The following FDFT1 variants were observed in gnomAD, a reference collection of about 807,000 sequenced individuals.
The protein encoded by FDFT1 is farnesyl-diphosphate farnesyltransferase 1.
In FDFT1, 68 loss-of-function variants were observed where a neutral mutation model predicts 46.8. The observed-to-expected ratio is 1.45, with a 90% CI of 1.19 to 1.78. The LOEUF (loss-of-function observed/expected upper bound fraction) is 1.78. Among genes scored for constraint, FDFT1 ranks in the 40% most tolerant of loss-of-function variants. FDFT1 has a pLI of 0.00. For missense variants in FDFT1, 928 were observed against 524.4 expected, an observed-to-expected ratio of 1.77 and a Z score of -7.52; for synonymous variants, 351 against 185.1, an observed-to-expected ratio of 1.90 and a Z score of -7.28.
At position 11,808,823 on chromosome 8, in the gene FDFT1, C is replaced by G. The variant is rs765417792; in HGVS notation, c.129C>G (p.Cys43Trp). ...CGCTCAGCAGCAGCCTGAAAACTTG[C>G]TACAAGTATCTCAATCAGACCAGTC... ...QDSLSSSLKT[C>W]YKYLNQTSRS... The change falls in exon 2 of 8, where the codon TGC becomes TGG. Residue 43 changes from cysteine to tryptophan, a missense_variant. By Grantham distance (215) the Cys-to-Trp change is radical. Coordinates refer to ENST00000220584, the MANE Select transcript of FDFT1 (RefSeq NM_004462.5). 7 of 1,614,006 alleles carry G rather than the reference C, an allele frequency of 4.3e-6. No homozygotes were observed. Among genetic ancestry groups the G allele is most frequent in the South Asian group, 1.1e-5 (1 of 90,986 alleles).
chr8:11,818,140 G>T (rs1005575326), intron 3 of FDFT1, among the ~76,000 whole-genome samples: 2 of 152,194 alleles, frequency 1.3e-5, no homozygotes, highest in Non-Finnish European at 2.9e-5. Flanking sequence ...TTCAGGAGCA[G>T]GTTGTTCAGT....
Position 11,826,190 on chromosome 8 carries a change from G to C in FDFT1, c.677G>C (p.Gly226Ala). 1 of 1,572,830 alleles carries C rather than the reference G, an allele frequency of 6.4e-7. No homozygotes were observed. Residue 226 changes from glycine (G) to alanine (A), a missense_variant, in exon 5 of 8, where the codon GGA (glycine) becomes GCA (alanine). Transcript: ENST00000220584. Reference sequence around the variant, plus strand: ...CGTGACTATCTGGAAGACCAGCAAGGAGGAAGAGAGTTCTGGCCTCAAGAG... The same window carrying C: ...CGTGACTATCTGGAAGACCAGCAAGCAGGAAGAGAGTTCTGGCCTCAAGAG... Reference protein sequence around the residue: ...IIRDYLEDQQGGREFWPQEVW... With the variant: ...IIRDYLEDQQAGREFWPQEVW...
chr8:11,799,431 A>AGT (rs1470148243), upstream of FDFT1, among the ~76,000 whole-genome samples: 1 of 152,238 alleles, frequency 6.6e-6, no homozygotes, highest in East Asian at 1.9e-4. Flanking sequence ...TGATTCTTCA[A>AGT]GTGTAGGGGT....
At chr8:11,796,804 A>C (rs1361872977) in intron 1 of FDFT1, among the ~76,000 whole-genome samples, 1 of 152,178 alleles carries the variant, frequency 6.6e-6, no homozygotes, top group East Asian at 1.9e-4. Flanking sequence ...TTAGCCCATG[A>C]GGGTTCCTGG....
chr8:11,832,690 G>C (rs1476280435), intron 7 of FDFT1, among the ~76,000 whole-genome samples: 1 of 151,932 alleles, frequency 6.6e-6, no homozygotes, highest in Non-Finnish European at 1.5e-5. Flanking sequence ...GACAATGTCT[G>C]GAGACATTTT....
chr8:11,808,819 C>G lies in FDFT1; in HGVS notation c.125C>G (p.Thr42Ser), dbSNP rs759805648. Residue 42 changes from threonine to serine, a missense_variant, in exon 2 of 8, where the codon ACT becomes AGT. By Grantham distance (58) the Thr-to-Ser change is moderately conservative (BLOSUM62 1). Coordinates refer to ENST00000220584, the MANE Select transcript of FDFT1 (RefSeq NM_004462.5). Reference protein sequence around the residue: ...DQDSLSSSLKTCYKYLNQTSR... With the variant: ...DQDSLSSSLKSCYKYLNQTSR... ...GACTCGCTCAGCAGCAGCCTGAAAACTTGCTACAAGTATCTCAATCAGACC... is the reference window on the plus strand; with the variant it reads ...GACTCGCTCAGCAGCAGCCTGAAAAGTTGCTACAAGTATCTCAATCAGACC... 2 of 1,614,052 alleles carry G rather than the reference C, an allele frequency of 1.2e-6. No individual in the cohort carries two copies. Among genetic ancestry groups the G allele is most frequent in the Non-Finnish European group, 1.7e-6 (2 of 1,179,996 alleles).
intron 3 of FDFT1, among the ~76,000 whole-genome samples, chr8:11,817,426 T>C (rs1808614667): frequency 6.6e-6 from 1 of 152,180 alleles, no homozygotes. Flanking sequence ...ATTGGAATAG[T>C]TTCAGAAGGA....
intron 1 of FDFT1, chr8:11,803,292 G>GT (rs1344683365): frequency 7.6e-7 from 1 of 1,316,538 alleles, no homozygotes; most frequent in Non-Finnish European, 9.9e-7. Context: ...GGACGAGTGA[G>GT]TTTTTTGGTA....
chr8:11,834,444 C>T (rs914746484), intron 7 of FDFT1, among the ~76,000 whole-genome samples: 1 of 152,216 alleles, frequency 6.6e-6, no homozygotes, highest in African/African-American at 2.4e-5. Context: ...GTTCGTGTCT[C>T]TGCACACTTC....
In FDFT1 at chr8:11,838,857, G is replaced by GC. The variant is rs1452743453; in HGVS notation, c.*249dup. ...TGTGCTGCTTGTGGCTCATGGCAGA[G>GC]CATTCAGTGCCACGGTTTAGGTGAA... On this transcript the variant is annotated 3_prime_UTR_variant, in exon 8 of 8. Coordinates refer to ENST00000220584, the MANE Select transcript of FDFT1 (RefSeq NM_004462.5). The GC allele has an allele frequency of 2.0e-6, 1 of 506,862 alleles. No homozygotes were observed. Among genetic ancestry groups the GC allele is most frequent in the African/African-American group, 1.9e-5 (1 of 51,618 alleles). The allele number at this position is 506,862 out of a possible 1,614,324, so 31.4% of individuals were successfully genotyped here.
At chr8:11,817,396 G>A (rs1808609180) in intron 3 of FDFT1, among the ~76,000 whole-genome samples, 1 of 152,172 alleles carries the variant, frequency 6.6e-6, no homozygotes, top group African/African-American at 2.4e-5. Flanking sequence ...AATGAGTTAG[G>A]GAGGATTCCC....
chr8:11,826,189 G>T lies in FDFT1; in HGVS notation c.676G>T (p.Gly226Ter), dbSNP rs369627462. The T allele has an allele frequency of 2.5e-6, 4 of 1,572,988 alleles. No homozygotes were observed. The highest frequency in any genetic ancestry group is 3.5e-6 in the Non-Finnish European group (4 of 1,150,058). ...IIRDYLEDQQ[G>*]GREFWPQEVW... ...CCGTGACTATCTGGAAGACCAGCAA[G>T]GAGGAAGAGAGTTCTGGCCTCAAGA... Residue 226 changes from glycine (G) to a stop codon, truncating the protein, a stop_gained, in exon 5 of 8, where the codon GGA becomes TGA. Coordinates refer to ENST00000220584, the MANE Select transcript of FDFT1 (RefSeq NM_004462.5). LOFTEE classifies it high-confidence loss of function.
chr8:11,833,676 A>G (rs1354658043), intron 7 of FDFT1, among the ~76,000 whole-genome samples: 1 of 152,230 alleles, frequency 6.6e-6, no homozygotes. Flanking sequence ...ATCAGAACAC[A>G]GCCACACCCA....
At chr8:11,819,972 T>G (rs189769596) in intron 3 of FDFT1, among the ~76,000 whole-genome samples, 1 of 152,114 alleles carries the variant, frequency 6.6e-6, no homozygotes, top group African/African-American at 2.4e-5. Flanking sequence ...TTTCTCCCCA[T>G]CTTTGTGGTT....
At chr8:11,809,086 G>A (rs1585879786) in intron 2 of FDFT1, 195 bp downstream of exon 2, 9 of 1,268,836 alleles carry the variant, frequency 7.1e-6, no homozygotes, top group Non-Finnish European at 4.1e-6. Flanking sequence ...GAGTCCCTGC[G>A]GGCCCAGCCT....
At chr8:11,799,364 A>C (rs1409469970), upstream of FDFT1, among the ~76,000 whole-genome samples, 44 of 152,232 alleles carry the variant, frequency 2.9e-4, no homozygotes. Context: ...GCTTATCTCA[A>C]GGCCAGCGTT....
chr8:11,801,678 G>C, upstream of FDFT1: 4 of 305,406 alleles, frequency 1.3e-5, no homozygotes. Context: ...CTGCAGGATG[G>C]CTTAGGTAGC....
intron 4 of FDFT1, among the ~76,000 whole-genome samples, chr8:11,822,775 C>T (rs1033180506): frequency 1.3e-5 from 2 of 152,156 alleles, no homozygotes; most frequent in Non-Finnish European, 2.9e-5. Context: ...ATGATTGTGC[C>T]ACTGCACTCC....
At chr8:11,808,286 C>T (rs1490294490) in intron 1 of FDFT1, 64 of 1,222,582 alleles carry the variant, frequency 5.2e-5, no homozygotes, top group Non-Finnish European at 6.0e-5. Context: ...CTCGGAAGTG[C>T]GCTGGGTTCC....
Sources: gnomAD v4.1 joint callset for allele counts (sites outside exome capture counted in the v4.1 genomes callset) on GRCh38, gnomAD v4.1.1 for gene constraint, MANE v1.5 for transcripts, NCBI Gene and HGNC (gene_info 2026-07-23, HGNC 2026-07-21) for gene names.